Variants in DAB2IP observed in about 807,000 individuals in gnomAD.
DAB2IP encodes disabled homolog 2-interacting protein.
Under a neutral mutation model 107.2 loss-of-function variants are expected in DAB2IP, and 28 were observed. That is an observed-to-expected ratio of 0.26 (90% CI 0.19 to 0.36). The LOEUF (loss-of-function observed/expected upper bound fraction) is 0.36, where lower values mean the gene tolerates loss of function less well. DAB2IP is among the 10% of genes least tolerant of loss of function. The pLI is 1.00. For synonymous variants in DAB2IP, 755 were observed against 706.4 expected, an observed-to-expected ratio of 1.07 and a Z score of -1.09; for missense variants, 1,400 against 1,644.7, an observed-to-expected ratio of 0.85 and a Z score of 2.57.
At chr9:121,723,719 G>A (rs1359500244) in intron 3 of DAB2IP, among the ~76,000 whole-genome samples, 1 of 152,202 alleles carries the variant, frequency 6.6e-6, no homozygotes, top group Non-Finnish European at 1.5e-5. Context: ...TCCCCTAGAG[G>A]CCCTGTGTGG....
chr9:121,654,880 C>T (rs1832910316), intron 1 of DAB2IP, among the ~76,000 whole-genome samples: 1 of 152,204 alleles, frequency 6.6e-6, no homozygotes, highest in East Asian at 1.9e-4. Context: ...TGACCAAGAA[C>T]TCAGGCTGTG....
intron 1 of DAB2IP, among the ~76,000 whole-genome samples, chr9:121,610,742 G>T (rs956039148): frequency 6.6e-6 from 1 of 152,120 alleles, no homozygotes; most frequent in African/African-American, 2.4e-5. Context: ...ATAGTCAGAG[G>T]GGGGCGCAGA....
chr9:121,653,957 G>C (rs1832869600), intron 1 of DAB2IP, among the ~76,000 whole-genome samples: 1 of 152,214 alleles, frequency 6.6e-6, no homozygotes, highest in Non-Finnish European at 1.5e-5. Flanking sequence ...ATTTGGATGG[G>C]ATCTCACAAA....
intron 1 of DAB2IP, among the ~76,000 whole-genome samples, chr9:121,592,600 A>G (rs1364170582): frequency 1.3e-5 from 2 of 152,220 alleles, no homozygotes; most frequent in African/African-American, 4.8e-5. Context: ...TAGCCCTGTC[A>G]ACTTTATATA....
chr9:121,725,277 G>A (rs551376031), intron 3 of DAB2IP, among the ~76,000 whole-genome samples: 2 of 152,334 alleles, frequency 1.3e-5, no homozygotes, highest in South Asian at 4.1e-4. Flanking sequence ...TCTCGACACA[G>A]CCATTGTCAG....
intron 1 of DAB2IP, among the ~76,000 whole-genome samples, chr9:121,654,519 G>A (rs1488577424): frequency 6.6e-6 from 1 of 152,124 alleles, no homozygotes; most frequent in Non-Finnish European, 1.5e-5. Context: ...AGGGTGTAGG[G>A]TGGAGGCTGG....
chr9:121,649,595 C>T (rs893430590), upstream of DAB2IP, among the ~76,000 whole-genome samples: 1 of 152,174 alleles, frequency 6.6e-6, no homozygotes, highest in Non-Finnish European at 1.5e-5. Flanking sequence ...GGACCGTTGC[C>T]CCCGTCCTGA....
chr9:121,730,018 C>A (rs1246397081), intron 3 of DAB2IP, among the ~76,000 whole-genome samples: 1 of 152,058 alleles, frequency 6.6e-6, no homozygotes, highest in Non-Finnish European at 1.5e-5. Flanking sequence ...CCAGAGGGGA[C>A]CAGCTGGGCC....
chr9:121,731,736 G>A (rs758517842), intron 3 of DAB2IP, among the ~76,000 whole-genome samples: 2 of 152,198 alleles, frequency 1.3e-5, no homozygotes, highest in African/African-American at 2.4e-5. Context: ...CCAGGTGCCC[G>A]GGTTACAGTA....
intron 1 of DAB2IP, among the ~76,000 whole-genome samples, chr9:121,657,728 C>G (rs1833026067): frequency 6.6e-6 from 1 of 152,232 alleles, no homozygotes; most frequent in South Asian, 2.1e-4. Flanking sequence ...TGCTCCTCAT[C>G]TCAGCGGTTC....
chr9:121,763,389 G>A (rs1463136263), intron 6 of DAB2IP, 116 bp from the exon 7 acceptor site: 2 of 1,417,150 alleles, frequency 1.4e-6, no homozygotes, highest in African/African-American at 1.4e-5. Context: ...GACCCCCGCA[G>A]CTTGGTGATG....
chr9:121,735,432 G>T (rs1201282156), intron 3 of DAB2IP, among the ~76,000 whole-genome samples: 1 of 152,236 alleles, frequency 6.6e-6, no homozygotes, highest in East Asian at 1.9e-4. Flanking sequence ...GTAGGTGCCT[G>T]ACACAGTCTG....
At chr9:121,658,804 C>T (rs1035777560) in intron 1 of DAB2IP, among the ~76,000 whole-genome samples, 1 of 152,184 alleles carries the variant, frequency 6.6e-6, no homozygotes, top group South Asian at 2.1e-4. Context: ...GGTGCTCAGT[C>T]TCCGAATCTC....
At chr9:121,767,713 G>C (rs1175037241) in intron 9 of DAB2IP, among the ~76,000 whole-genome samples, 1 of 152,252 alleles carries the variant, frequency 6.6e-6, no homozygotes, top group Non-Finnish European at 1.5e-5. Flanking sequence ...GCAGTGGGCA[G>C]ATGGGTTGGA....
intron 1 of DAB2IP, among the ~76,000 whole-genome samples, chr9:121,578,900 T>C (rs1463334503): frequency 1.3e-5 from 2 of 151,788 alleles, no homozygotes; most frequent in African/African-American, 4.8e-5. Context: ...GTCCTTCTGA[T>C]CTCTGCTTCC....
At chr9:121,645,390 G>A (rs1832500721) in intron 1 of DAB2IP, among the ~76,000 whole-genome samples, 1 of 152,210 alleles carries the variant, frequency 6.6e-6, no homozygotes, top group Non-Finnish European at 1.5e-5. Context: ...CAGTATGGAG[G>A]GGAAGCCCAG....
At chr9:121,704,495 C>T (rs1448836718) in intron 3 of DAB2IP, among the ~76,000 whole-genome samples, 1 of 152,178 alleles carries the variant, frequency 6.6e-6, no homozygotes, top group Non-Finnish European at 1.5e-5. Context: ...TGTCCTTTGC[C>T]TGAGTGTTCT....
At chr9:121,785,445 C>T (rs1270210744) in exon 16 of DAB2IP, 2 of 152,656 alleles carry the variant, frequency 1.3e-5, no homozygotes, top group African/African-American at 4.8e-5. Context: ...ACAGAGGAAG[C>T]TGTTGGTGTT....
chr9:121,720,454 G>A (rs970700763), intron 3 of DAB2IP, among the ~76,000 whole-genome samples: 13 of 152,198 alleles, frequency 8.5e-5, no homozygotes, highest in Non-Finnish European at 1.9e-4. Flanking sequence ...GCTCCTCCCA[G>A]TCCCCTTAGG....
Sources: allele counts gnomAD v4.1 joint callset (sites outside exome capture counted in the v4.1 genomes callset), GRCh38; gene constraint gnomAD v4.1.1; transcripts MANE v1.5; gene names NCBI Gene and HGNC (gene_info 2026-07-23, HGNC 2026-07-21).